The following INKA2 variants were observed in gnomAD, a reference collection of about 807,000 sequenced individuals.
INKA2 encodes inka box actin regulator 2, also known as PAK4-inhibitor INKA2.
A neutral mutation model predicts 9.8 loss-of-function variants in INKA2; 3 were observed. The ratio of observed to expected loss-of-function variants is 0.31; its 90% CI spans 0.14 to 0.79. INKA2 has a LOEUF of 0.79. Among genes scored for constraint, INKA2 ranks in the 30% least tolerant of loss-of-function variants. The pLI is 0.62. For missense variants in INKA2, 392 were observed against 384.4 expected (o/e 1.02, Z -0.17); for synonymous variants, 147 against 143.3 (o/e 1.03, Z -0.18).
intron 1 of INKA2, chr1:111,745,486 G>A (rs981458819): frequency 1.0e-4 from 15 of 150,158 alleles, no homozygotes; most frequent in Middle Eastern, 3.2e-3. Context: ...TTTTTTTGTG[G>A]AGACAGGGTT....
Position 111,723,415 on chromosome 1 carries a change from A to G in INKA2, c.*3553T>C. ...TTGGGAAGAGAAAGGGAGGAGGGAG[A>G]CCAGGCCGGCCCCACTAGCATGCCC... On this transcript the variant is annotated 3_prime_UTR_variant, in exon 2 of 2. Transcript: ENST00000357260. 3.1e-6 allele frequency: 1 copy of G among 326,050 alleles called. No homozygotes were observed. Among genetic ancestry groups the G allele is most frequent in the South Asian group, 8.4e-5 (1 of 11,962 alleles). The allele number at this position is 326,050 out of a possible 1,614,324, so 20.2% of individuals were successfully genotyped here.
rs1361202177 is a variant in INKA2 at position 111,722,555 on chromosome 1, G to A, written c.*4413C>T. The A allele has an allele frequency of 2.6e-5, 4 of 153,916 alleles. No homozygotes were observed. The highest frequency in any genetic ancestry group is 9.7e-5 in the African/African-American group (4 of 41,400). The allele number at this position is 153,916 out of a possible 1,614,324, so 9.5% of individuals were successfully genotyped here. A position where few individuals can be genotyped will look rare whatever the true frequency, so the allele number is the denominator to read the frequency against. ...GAATGTTTCCTAGAGCAGGTCCTTA[G>A]GCAGTGGGGTCCTCAAGCACCTTTT... On this transcript the variant is annotated 3_prime_UTR_variant, in exon 2 of 2. Coordinates refer to ENST00000357260, the MANE Select transcript of INKA2 (RefSeq NM_019099.5).
chr1:111,755,522 C>A lies in INKA2; in HGVS notation n.124+179G>T, dbSNP rs1254151327. On this transcript the variant is annotated intron_variant and non_coding_transcript_variant, in intron 1 of 1. Coordinates refer to the INKA2 transcript ENST00000444059. Reference sequence around the variant, plus strand: ...CGCGAAGCGAGACAGGCCAGCGGAACGGAAAACGGAAGCACGAGACGGGGG... The same window carrying A: ...CGCGAAGCGAGACAGGCCAGCGGAAAGGAAAACGGAAGCACGAGACGGGGG... 10 of 673,770 alleles carry A rather than the reference C, an allele frequency of 1.5e-5. No individual in the cohort carries two copies. The South Asian group carries it at 1.6e-4, about 11-fold the overall frequency. 41.7% of individuals were successfully genotyped at this position (673,770 alleles called of 1,614,324 possible).
intron 1 of INKA2, chr1:111,745,293 A>ATATATATATATATTTTTTT (rs1358304932): frequency 2.0e-5 from 1 of 49,268 alleles, no homozygotes; most frequent in Non-Finnish European, 3.7e-5. Context: ...ATATATATAT[A>ATATATATATATATTTTTTT]TTTTTTTTTT....
chr1:111,734,491 C>CCCTCCA (rs1483451861), intron 1 of INKA2, among the ~76,000 whole-genome samples: 1 of 152,140 alleles, frequency 6.6e-6, no homozygotes, highest in African/African-American at 2.4e-5. Flanking sequence ...TTTCCTCCCT[C>CCCTCCA]CCTCCACCTC....
intron 1 of INKA2, among the ~76,000 whole-genome samples, chr1:111,738,881 G>C (rs1357633226): frequency 6.6e-6 from 1 of 152,198 alleles, no homozygotes; most frequent in African/African-American, 2.4e-5. Context: ...GTGCCTGGCC[G>C]TCTCTGGGCG....
chr1:111,731,479 T>C (rs536269197), intron 1 of INKA2, among the ~76,000 whole-genome samples: 49 of 152,104 alleles, frequency 3.2e-4, no homozygotes, highest in African/African-American at 1.1e-3. Flanking sequence ...GCCTCCCAAG[T>C]AGCTGGGACT....
chr1:111,743,110 G>A (rs1663182993), upstream of INKA2, among the ~76,000 whole-genome samples: 1 of 152,184 alleles, frequency 6.6e-6, no homozygotes, highest in South Asian at 2.1e-4. Flanking sequence ...AAATATTTCT[G>A]GGCTGGGGAT....
chr1:111,745,297 T>TTA, intron 1 of INKA2: 1 of 59,208 alleles, frequency 1.7e-5, no homozygotes, highest in South Asian at 5.6e-4. Context: ...ATATATATTT[T>TTA]TTTTTTTTTT....
intron 1 of INKA2, among the ~76,000 whole-genome samples, chr1:111,737,161 C>T (rs1001032106): frequency 2.0e-5 from 3 of 152,176 alleles, no homozygotes; most frequent in African/African-American, 7.2e-5. Flanking sequence ...GCTGCTCAGA[C>T]AAAGGGCCAA....
rs779617617 is a variant in INKA2, at chr1:111,739,238, G to A, written c.5C>T (p.Thr2Met). The A allele has an allele frequency of 3.8e-5, 62 of 1,613,646 alleles. No individual in the cohort carries two copies. The highest frequency in any genetic ancestry group is 4.6e-5 in the Non-Finnish European group (54 of 1,179,784). Residue 2 changes from threonine to methionine, a missense_variant, in exon 1 of 2, where the codon ACG becomes ATG. Physicochemically the swap from Thr to Met is moderately conservative, Grantham distance 81. Transcript: ENST00000357260. Reference sequence around the variant, plus strand: ...GCAGTCCATTTCCCTGCTCTCCATCGTCATGCGCCCATTTGTCGGGTTCGG... The same window carrying A: ...GCAGTCCATTTCCCTGCTCTCCATCATCATGCGCCCATTTGTCGGGTTCGG... Reference protein sequence around the residue: MTMESREMDCYL... With the variant: MMMESREMDCYL...
chr1:111,737,066 G>C (rs937425985), intron 1 of INKA2, among the ~76,000 whole-genome samples: 2 of 152,058 alleles, frequency 1.3e-5, no homozygotes, highest in Non-Finnish European at 2.9e-5. Context: ...ACCATGGGGG[G>C]TAGTGCAGAG....
chr1:111,745,293 A>ATATATATATATATTTTTTTT (rs1358304932), intron 1 of INKA2: 8 of 49,268 alleles, frequency 1.6e-4, no homozygotes, highest in Non-Finnish European at 2.6e-4. Flanking sequence ...ATATATATAT[A>ATATATATATATATTTTTTTT]TTTTTTTTTT....
At chr1:111,747,825 T>C (rs898869899) in intron 1 of INKA2, 5 of 145,470 alleles carry the variant, frequency 3.4e-5, no homozygotes, top group African/African-American at 1.1e-4. Context: ...CATATATGTG[T>C]GTGAGTGTGT....
At position 111,723,181 on chromosome 1, in the gene INKA2, T is replaced by A. The variant is rs745324548; in HGVS notation, c.*3787A>T. 1.4e-5 allele frequency: 9 copies of A among 657,296 alleles called. No individual in the cohort carries two copies. The East Asian group carries it at 2.5e-4, about 18-fold the overall frequency. 40.7% of individuals were successfully genotyped at this position (657,296 alleles called of 1,614,324 possible). On this transcript the variant is annotated 3_prime_UTR_variant, in exon 2 of 2. Coordinates refer to ENST00000357260, the MANE Select transcript of INKA2 (RefSeq NM_019099.5). ...AGGTGGGGACAAGGTGTGCTCTTGC[T>A]CTTGTCCAGACCACGTAGGAAACGA...
intron 1 of INKA2, among the ~76,000 whole-genome samples, chr1:111,735,841 G>A (rs1402804900): frequency 6.6e-6 from 1 of 152,124 alleles, no homozygotes; most frequent in Non-Finnish European, 1.5e-5. Context: ...GCTTCCCCAT[G>A]CCTCAGCTAG....
chr1:111,739,141 G>T, intron 1 of INKA2, 45 bp downstream of exon 1: 1 of 1,588,022 alleles, frequency 6.3e-7, no homozygotes, highest in Non-Finnish European at 8.6e-7. Flanking sequence ...GGTGCCCGTC[G>T]GGGCGGAGCA....
chr1:111,725,970 C>T lies in INKA2; in HGVS notation c.*998G>A, dbSNP rs957571375. The T allele has an allele frequency of 5.1e-6, 2 of 395,300 alleles. No homozygotes were observed. The highest frequency in any genetic ancestry group is 4.1e-5 in the African/African-American group (2 of 48,526). The allele number at this position is 395,300 out of a possible 1,614,324, so 24.5% of individuals were successfully genotyped here. The stretch of plus-strand genomic sequence containing the variant: ...CAGGCTGGTCATGAACTCCTGACCC[C>T]AGGTAATCCGCCTGCCTTGCCCTCC... On this transcript the variant is annotated 3_prime_UTR_variant, in exon 2 of 2. Transcript: ENST00000357260.
intron 1 of INKA2, chr1:111,745,257 C>CACACAG (rs1491422683): frequency 9.7e-6 from 1 of 103,090 alleles, no homozygotes. Context: ...CACACACACA[C>CACACAG]AGAGATATTA....
Sources: allele counts gnomAD v4.1 joint callset (sites outside exome capture counted in the v4.1 genomes callset), GRCh38; gene constraint gnomAD v4.1.1; transcripts MANE v1.5; gene names NCBI Gene and HGNC (gene_info 2026-07-23, HGNC 2026-07-21).